The following SMAP2 variants were observed in gnomAD, a reference collection of about 807,000 sequenced individuals.
SMAP2 encodes small ArfGAP2.
In SMAP2, 25 loss-of-function variants were observed where a neutral mutation model predicts 56.4. The observed-to-expected ratio is 0.44, with a 90% CI of 0.32 to 0.62. The LOEUF is 0.62. Among genes scored for constraint, SMAP2 ranks in the 20% least tolerant of loss-of-function variants. The pLI, the probability that SMAP2 is intolerant of heterozygous loss-of-function variation, is 0.04. For synonymous variants in SMAP2, 157 were observed against 181.7 expected, an observed-to-expected ratio of 0.86 and a Z score of 1.09; for missense variants, 388 against 545.6, an observed-to-expected ratio of 0.71 and a Z score of 2.88.
intron 1 of SMAP2, among the ~76,000 whole-genome samples, chr1:40,357,405 A>C (rs773045384): frequency 3.3e-5 from 5 of 151,964 alleles, no homozygotes; most frequent in Non-Finnish European, 5.9e-5. Flanking sequence ...CAGTAAGCTG[A>C]GATCACACCA....
intron 9 of SMAP2, among the ~76,000 whole-genome samples, chr1:40,417,503 T>C (rs1645001413): frequency 6.6e-6 from 1 of 151,788 alleles, no homozygotes; most frequent in South Asian, 2.1e-4. Context: ...CAGAGGAGAC[T>C]GTAAAAAGAG....
At chr1:40,392,259 A>G (rs193044350) in intron 1 of SMAP2, among the ~76,000 whole-genome samples, 19 of 152,292 alleles carry the variant, frequency 1.2e-4, no homozygotes, top group Admixed American at 9.8e-4. Context: ...TCGGGTGCAG[A>G]ATGGTGCTTC....
At chr1:40,347,240 G>GTGTTTTTTTT (rs58284805) in intron 1 of SMAP2, among the ~76,000 whole-genome samples, 1 of 88,402 alleles carries the variant, frequency 1.1e-5, no homozygotes, top group African/African-American at 4.0e-5. Context: ...GTGTGTGTGT[G>GTGTTTTTTTT]TTTTGTTTTT....
At chr1:40,379,875 C>T (rs1644580474) in intron 1 of SMAP2, among the ~76,000 whole-genome samples, 1 of 152,110 alleles carries the variant, frequency 6.6e-6, no homozygotes, top group African/African-American at 2.4e-5. Context: ...GTCCTAGGCC[C>T]ATAGACACAT....
At chr1:40,389,872 C>T (rs187229673) in intron 1 of SMAP2, among the ~76,000 whole-genome samples, 333 of 152,194 alleles carry the variant, frequency 2.2e-3, no homozygotes, top group Non-Finnish European at 3.0e-3. Flanking sequence ...AAGAATCTTA[C>T]TTGGGCTCTT....
At chr1:40,394,919 G>A (rs553122783) in intron 1 of SMAP2, among the ~76,000 whole-genome samples, 23 of 152,206 alleles carry the variant, frequency 1.5e-4, no homozygotes, top group African/African-American at 4.8e-4. Flanking sequence ...AAAGGCCTGT[G>A]CGTCTCTGTG....
Position 40,408,601 on chromosome 1 carries a change from C to A in SMAP2, c.238-52C>A. The A allele has an allele frequency of 1.3e-6, 2 of 1,509,884 alleles. No homozygotes were observed. The highest frequency in any genetic ancestry group is 2.3e-5 in the South Asian group (2 of 88,276). 93.5% of individuals were successfully genotyped at this position (1,509,884 alleles called of 1,614,324 possible). ...TAGTGGAATTGGGTGAGAAGTTTTTCAGTTCTTTCTTGATCTGACGTTCCA... is the reference window on the plus strand; with the variant it reads ...TAGTGGAATTGGGTGAGAAGTTTTTAAGTTCTTTCTTGATCTGACGTTCCA... On this transcript the variant is annotated intron_variant, in intron 2 of 9. Coordinates refer to ENST00000372718, the MANE Select transcript of SMAP2 (RefSeq NM_022733.3). This position sits in a 1 kb window ranked among gnomAD's most constrained non-coding sequence, Gnocchi z 4.3.
rs1427849276 is a variant in SMAP2, at chr1:40,414,168, AAAG to A, written c.504_506del (p.Glu168del). On this transcript the variant is annotated inframe_deletion, in exon 6 of 10. Coordinates refer to ENST00000372718, the MANE Select transcript of SMAP2 (RefSeq NM_022733.3). ...CATATTTTCACCTTAGCCACAGAAA[AAAG>A]AAGACCCACAGCTACCTCGGAAAAG... The A allele has an allele frequency of 6.2e-7, 1 of 1,614,052 alleles. No homozygotes were observed. The highest frequency in any genetic ancestry group is 1.3e-5 in the African/African-American group (1 of 74,918).
chr1:40,358,031 T>C (rs566342368), intron 1 of SMAP2, among the ~76,000 whole-genome samples: 1 of 152,316 alleles, frequency 6.6e-6, no homozygotes, highest in East Asian at 1.9e-4. Flanking sequence ...AATATGAATA[T>C]TTTAACAATA....
At chr1:40,378,738 C>T (rs1644565659) in intron 1 of SMAP2, among the ~76,000 whole-genome samples, 1 of 152,212 alleles carries the variant, frequency 6.6e-6, no homozygotes, top group African/African-American at 2.4e-5. Context: ...CCTTCTTCTG[C>T]TACATCCTAT....
At chr1:40,347,593 C>T (rs1644394514) in intron 1 of SMAP2, among the ~76,000 whole-genome samples, 1 of 152,096 alleles carries the variant, frequency 6.6e-6, no homozygotes. Flanking sequence ...ACCTCCACCT[C>T]CCAGGTTCAA....
chr1:40,396,863 A>C, intron 1 of SMAP2: 1 of 984,844 alleles, frequency 1.0e-6, no homozygotes, highest in Non-Finnish European at 1.2e-6. Context: ...GAATCAGAGA[A>C]TGGAGGGATA....
At chr1:40,412,742 T>C (rs912048953) in intron 4 of SMAP2, among the ~76,000 whole-genome samples, 1 of 152,174 alleles carries the variant, frequency 6.6e-6, no homozygotes, top group Non-Finnish European at 1.5e-5. Context: ...TTAGCGTCTG[T>C]ACATAGCCTC....
In SMAP2 at chr1:40,355,544, A is replaced by G. The variant is rs537487539; in HGVS notation, c.-82-6756A>G. The stretch of plus-strand genomic sequence containing the variant: ...AGCATTTATTCTTCGTGTTACAAAC[A>G]ATTCAATTATACTCTTTAAGCTATT... On this transcript the variant is annotated intron_variant, in intron 1 of 6. Coordinates refer to the SMAP2 transcript ENST00000435168. Among the ~76,000 whole-genome samples the G allele has an allele frequency of 6.6e-5, 10 of 152,344 alleles. No homozygotes were observed. In the South Asian group the frequency reaches 2.1e-3, roughly 32 times the overall value.
Position 40,373,873 on chromosome 1 carries a change from C to T in SMAP2, c.-248C>T. 2.5e-6 allele frequency: 1 copy of T among 406,194 alleles called. No individual in the cohort carries two copies. Among genetic ancestry groups the T allele is most frequent in the Non-Finnish European group, 4.5e-6 (1 of 223,570 alleles). 25.2% of individuals were successfully genotyped at this position (406,194 alleles called of 1,614,324 possible). A position where few individuals can be genotyped will look rare whatever the true frequency, so the allele number is the denominator to read the frequency against. On this transcript the variant is annotated 5_prime_UTR_variant, in exon 1 of 10. Coordinates refer to ENST00000372718, the MANE Select transcript of SMAP2 (RefSeq NM_022733.3). ...TTGCCTGGGCTGAGGGTCTCTGGCCCCGCAGCCTCTCTTGGAGGCGGGCCT... is the reference window on the plus strand; with the variant it reads ...TTGCCTGGGCTGAGGGTCTCTGGCCTCGCAGCCTCTCTTGGAGGCGGGCCT...
chr1:40,379,588 G>T (rs1278833018), intron 1 of SMAP2, among the ~76,000 whole-genome samples: 1 of 131,936 alleles, frequency 7.6e-6, no homozygotes, highest in African/African-American at 2.8e-5. Context: ...TTGAGGCGGA[G>T]TCTTGCTATG....
At position 40,422,374 on chromosome 1, in the gene SMAP2, T is replaced by TA. The variant is rs1645051950; in HGVS notation, c.*276dup. 2 of 407,438 alleles carry TA rather than the reference T, an allele frequency of 4.9e-6. No homozygotes were observed. The highest frequency in any genetic ancestry group is 9.3e-6 in the Non-Finnish European group (2 of 215,504). The allele number at this position is 407,438 out of a possible 1,614,324, so 25.2% of individuals were successfully genotyped here. On this transcript the variant is annotated 3_prime_UTR_variant, in exon 10 of 10. Coordinates refer to ENST00000372718, the MANE Select transcript of SMAP2 (RefSeq NM_022733.3). ...TTAGAAGTTGTTGGCAGAAGGCACT[T>TA]AAACTGTGGGAGAAGTGTGCACACC...
At chr1:40,399,532 A>G (rs918120308) in intron 1 of SMAP2, among the ~76,000 whole-genome samples, 5 of 143,798 alleles carry the variant, frequency 3.5e-5, no homozygotes, top group Non-Finnish European at 7.5e-5. Context: ...TCAATGACCC[A>G]TCTTTACAAA....
intron 2 of SMAP2, among the ~76,000 whole-genome samples, chr1:40,363,787 G>C (rs995706106): frequency 6.6e-6 from 1 of 152,136 alleles, no homozygotes; most frequent in East Asian, 1.9e-4. Flanking sequence ...TGGTGTGCTT[G>C]GGGGAAGGAG....
Sources: allele counts gnomAD v4.1 joint callset (sites outside exome capture counted in the v4.1 genomes callset), GRCh38; gene constraint gnomAD v4.1.1; non-coding constraint Gnocchi (gnomAD v3.1); transcripts MANE v1.5; gene names NCBI Gene and HGNC (gene_info 2026-07-23, HGNC 2026-07-21).